LTBP1: variants seen among roughly 807,000 people sequenced by gnomAD.
LTBP1 encodes the protein latent-transforming growth factor beta-binding protein 1.
A neutral mutation model predicts 207.6 loss-of-function variants in LTBP1; 129 were observed. That is an observed-to-expected ratio of 0.62 (90% CI 0.54 to 0.72). LTBP1 has a LOEUF of 0.72. Ranked by LOEUF, LTBP1 falls within the 30% of genes least tolerant of loss-of-function variation. The probability of loss-of-function intolerance (pLI) is 0.00; values close to 1 mark genes in which losing one functional copy is unlikely to be tolerated. For synonymous variants in LTBP1, 963 were observed against 833.7 expected, an observed-to-expected ratio of 1.16 and a Z score of -2.67; for missense variants, 2,281 against 2,217.2, an observed-to-expected ratio of 1.03 and a Z score of -0.58.
At chr2:32,990,781 AC>A (rs1684288045) in intron 2 of LTBP1, among the ~76,000 whole-genome samples, 1 of 152,060 alleles carries the variant, frequency 6.6e-6, no homozygotes, top group Admixed American at 6.5e-5. Context: ...TTATGAGTCT[AC>A]CTGTCTGCAC....
At chr2:33,216,557 T>C (rs1310898086) in intron 7 of LTBP1, among the ~76,000 whole-genome samples, 1 of 152,180 alleles carries the variant, frequency 6.6e-6, no homozygotes, top group East Asian at 1.9e-4. Context: ...TGTGACCAGA[T>C]TTGTCTTTGG....
At chr2:33,076,092 CA>C (rs1293940867) in intron 3 of LTBP1, among the ~76,000 whole-genome samples, 1 of 152,024 alleles carries the variant, frequency 6.6e-6, no homozygotes, top group Non-Finnish European at 1.5e-5. Context: ...ATGTGACAAC[CA>C]AAATGAGTGA....
intron 24 of LTBP1, among the ~76,000 whole-genome samples, chr2:33,315,662 C>T (rs180867388): frequency 6.6e-6 from 1 of 152,154 alleles, no homozygotes; most frequent in Non-Finnish European, 1.5e-5. Context: ...AAATGTCTTG[C>T]GGCTGGGTGC....
At chr2:33,088,717 A>G (rs2078901173) in intron 3 of LTBP1, among the ~76,000 whole-genome samples, 1 of 152,238 alleles carries the variant, frequency 6.6e-6, no homozygotes, top group Non-Finnish European at 1.5e-5. Flanking sequence ...AAAGGTAGCA[A>G]GAAATGAATG....
At chr2:33,288,379 T>C (rs2093706291) in intron 19 of LTBP1, among the ~76,000 whole-genome samples, 1 of 152,054 alleles carries the variant, frequency 6.6e-6, no homozygotes, top group African/African-American at 2.4e-5. Flanking sequence ...TCCCAGGATA[T>C]TAGGAAGGGA....
chr2:33,087,790 C>T (rs893173521), intron 3 of LTBP1, among the ~76,000 whole-genome samples: 1 of 152,076 alleles, frequency 6.6e-6, no homozygotes, highest in Non-Finnish European at 1.5e-5. Flanking sequence ...GTGCATTTCT[C>T]GAGTTTTCGG....
At position 33,361,486 on chromosome 2, in the gene LTBP1, C is replaced by G; in HGVS notation, c.4241C>G (p.Ser1414Cys). The part of the protein sequence containing the change: ...GKGFVPAGES[S>C]SEAGGENYKD... ...GGTTTTGTGCCTGCTGGAGAATCAT[C>G]TTCTGAAGCTGGTGGTGAGAACTAT... Residue 1414 changes from serine to cysteine, a missense_variant, in exon 28 of 34, where the codon TCT becomes TGT. This residue lies in a region of LTBP1 where 1,671 missense variants were observed against 1,634.8 expected (regional missense o/e 1.02). Coordinates refer to ENST00000404816, the MANE Select transcript of LTBP1 (RefSeq NM_206943.4). 1 of 1,611,764 alleles carries G rather than the reference C, an allele frequency of 6.2e-7. No homozygotes were observed.
At chr2:33,287,458 A>T (rs573595035) in intron 19 of LTBP1, among the ~76,000 whole-genome samples, 1 of 152,376 alleles carries the variant, frequency 6.6e-6, no homozygotes, top group African/African-American at 2.4e-5. Context: ...ATAAAAGAGC[A>T]TAGAAAGGAG....
chr2:32,998,512 TAAAAAAAAAAAAAAAA>T (rs769287082), intron 2 of LTBP1, among the ~76,000 whole-genome samples: 16 of 29,238 alleles, frequency 5.5e-4, no homozygotes, highest in Admixed American at 3.3e-3. Context: ...GACTCCATCT[TAAAAAAAAAAAAAAAA>T]AAAAAAAAAA....
At position 33,049,127 on chromosome 2, in the gene LTBP1, A is replaced by C. The variant is rs144669448; in HGVS notation, c.863+27921A>C. Among the ~76,000 whole-genome samples, 98 of 152,360 alleles carry C rather than the reference A, an allele frequency of 6.4e-4. 1 individual carries two copies. The East Asian group carries it at 0.018, about 27-fold the overall frequency. The stretch of plus-strand genomic sequence containing the variant: ...AAAATAAATGTACAGAAATAGTTCC[A>C]TTGTGACATGATTTTCATTCCTAAA... On this transcript the variant is annotated intron_variant, in intron 3 of 33. Coordinates refer to ENST00000404816, the MANE Select transcript of LTBP1 (RefSeq NM_206943.4).
At chr2:33,254,478 T>G (rs973637688) in intron 11 of LTBP1, among the ~76,000 whole-genome samples, 1 of 151,714 alleles carries the variant, frequency 6.6e-6, no homozygotes, top group Non-Finnish European at 1.5e-5. Context: ...AAGATAAAAT[T>G]TTTGCACTTA....
chr2:33,341,580 G>A (rs1265225447), intron 24 of LTBP1, among the ~76,000 whole-genome samples: 2 of 151,262 alleles, frequency 1.3e-5, no homozygotes, highest in Non-Finnish European at 2.9e-5. Flanking sequence ...GCGTGGTGGC[G>A]AGTGCCTGTA....
chr2:33,223,105 A>G (rs1022930227), intron 9 of LTBP1, among the ~76,000 whole-genome samples: 2 of 152,236 alleles, frequency 1.3e-5, no homozygotes, highest in Admixed American at 6.5e-5. Flanking sequence ...GATTAAGGTC[A>G]TGTTACAGAG....
Position 33,021,074 on chromosome 2 carries a change from C to G in LTBP1, c.731C>G (p.Pro244Arg), listed in dbSNP as rs978303541. 4 of 1,613,960 alleles carry G rather than the reference C, an allele frequency of 2.5e-6. No homozygotes were observed. The highest frequency in any genetic ancestry group is 3.4e-6 in the Non-Finnish European group (4 of 1,180,014). Residue 244 changes from proline to arginine, a missense_variant, in exon 3 of 34, where the codon CCT becomes CGT. Pro to Arg is a moderately radical substitution (Grantham distance 103). Around this residue, in one of 3 missense-constraint regions of LTBP1, gnomAD observed 555 missense variants for 491.0 expected, o/e 1.13. Coordinates refer to ENST00000404816, the MANE Select transcript of LTBP1 (RefSeq NM_206943.4). ...CCTGGGGCTGCTTCCTCGTGGGGCC[C>G]TCCTGAGCAAGCAGCAAAGCATACT... Reference protein sequence around the residue: ...QSPGAASSWGPPEQAAKHTSS... With the variant: ...QSPGAASSWGRPEQAAKHTSS...
At chr2:33,031,452 G>A (rs1341107857) in intron 3 of LTBP1, among the ~76,000 whole-genome samples, 1 of 152,154 alleles carries the variant, frequency 6.6e-6, no homozygotes, top group East Asian at 1.9e-4. Context: ...ACCAACTACT[G>A]TTCTAGGTAC....
chr2:33,217,512 C>A, intron 7 of LTBP1, 40 bp from the exon 8 acceptor site: 1 of 1,421,630 alleles, frequency 7.0e-7, no homozygotes, highest in Non-Finnish European at 9.9e-7. Context: ...GGGCATCCTG[C>A]ACTCAATTAA....
chr2:33,165,993 C>T (rs1027412922), intron 5 of LTBP1, among the ~76,000 whole-genome samples: 1 of 151,704 alleles, frequency 6.6e-6, no homozygotes, highest in Non-Finnish European at 1.5e-5. Flanking sequence ...GTTTCTAATT[C>T]AGTTTTGGAA....
At chr2:33,223,615 A>G (rs1276752042) in intron 9 of LTBP1, among the ~76,000 whole-genome samples, 3 of 152,200 alleles carry the variant, frequency 2.0e-5, no homozygotes, top group East Asian at 3.8e-4. Context: ...AATATAAACC[A>G]AGTTATTGTT....
chr2:33,263,681 C>T (rs149451222), intron 15 of LTBP1, among the ~76,000 whole-genome samples: 2,909 of 152,238 alleles, frequency 0.019, 38 homozygotes, highest in Middle Eastern at 0.085. Context: ...AGGCTGGGTG[C>T]GGTGGCTCAT....
Sources: allele counts gnomAD v4.1 joint callset (sites outside exome capture counted in the v4.1 genomes callset), GRCh38; gene constraint gnomAD v4.1.1; regional missense constraint gnomAD v4.1.1; transcripts MANE v1.5; gene names NCBI Gene and HGNC (gene_info 2026-07-23, HGNC 2026-07-21).